Variants in DNAJC16 observed in about 807,000 individuals in gnomAD.
The protein encoded by DNAJC16 is DnaJ heat shock protein family (Hsp40) member C16.
DNAJC16 carries 76 observed loss-of-function variants against 92.7 expected under a neutral mutation model. That is an observed-to-expected ratio of 0.82 (90% CI 0.68 to 0.99). The LOEUF (loss-of-function observed/expected upper bound fraction) is 0.99. Among genes scored for constraint, DNAJC16 ranks in the 50% least tolerant of loss-of-function variants. The pLI, the probability that DNAJC16 is intolerant of heterozygous loss-of-function variation, is 0.00. For missense variants in DNAJC16, 869 were observed against 942.4 expected (o/e 0.92, Z 1.02); for synonymous variants, 328 against 358.7 (o/e 0.91, Z 0.97).
At chr1:15,528,069 C>T (rs1406133878) in intron 1 of DNAJC16, among the ~76,000 whole-genome samples, 1 of 152,170 alleles carries the variant, frequency 6.6e-6, no homozygotes, top group Non-Finnish European at 1.5e-5. Flanking sequence ...TGGTCTTTGC[C>T]GTTAATTCTT....
At chr1:15,548,139 C>T (rs1253353118) in intron 6 of DNAJC16, 131 bp from the exon 7 acceptor site, 15 of 750,382 alleles carry the variant, frequency 2.0e-5, no homozygotes, top group South Asian at 8.3e-5. Flanking sequence ...TACAAGGATA[C>T]GGAAGACCTA....
chr1:15,536,306 C>T (rs1023737551), intron 3 of DNAJC16, among the ~76,000 whole-genome samples, 169 bp from the exon 4 acceptor site: 1 of 152,008 alleles, frequency 6.6e-6, no homozygotes, highest in Non-Finnish European at 1.5e-5. Flanking sequence ...TCTCAAACTC[C>T]CGACCTCAAG....
intron 7 of DNAJC16, among the ~76,000 whole-genome samples, chr1:15,549,746 G>A (rs537213204): frequency 3.3e-4 from 50 of 151,206 alleles, no homozygotes; most frequent in African/African-American, 9.7e-4. Context: ...CCCAGGAGGC[G>A]GAGCTTGCAG....
At chr1:15,540,253 G>A (rs1710901773) in intron 4 of DNAJC16, among the ~76,000 whole-genome samples, 1 of 152,106 alleles carries the variant, frequency 6.6e-6, no homozygotes, top group Non-Finnish European at 1.5e-5. Flanking sequence ...TTGCACCAGG[G>A]AGGCAGAGGT....
At chr1:15,537,627 A>G (rs1331322715) in intron 4 of DNAJC16, among the ~76,000 whole-genome samples, 1 of 152,200 alleles carries the variant, frequency 6.6e-6, no homozygotes, top group African/African-American at 2.4e-5. Context: ...TAGACACTAA[A>G]GGATATATAA....
chr1:15,534,872 C>T (rs947305995), intron 3 of DNAJC16, among the ~76,000 whole-genome samples: 1 of 152,254 alleles, frequency 6.6e-6, no homozygotes. Flanking sequence ...GTCACTATTG[C>T]CTTCTTAGAA....
rs1448582372 is a variant in DNAJC16, at chr1:15,536,750, G to T, written c.510G>T (p.Trp170Cys). Residue 170 changes from tryptophan (W) to cysteine (C), a missense_variant, in exon 4 of 15, where the codon TGG becomes TGT. Trp to Cys is a radical substitution (Grantham distance 215). Coordinates refer to ENST00000375847, the MANE Select transcript of DNAJC16 (RefSeq NM_015291.4). The stretch of plus-strand genomic sequence containing the variant: ...ACCTCATCAAGATCACCTCCGATTG[G>T]TGCTTTAGCTGCATTCATATCGAGC... ...KPYLIKITSD[W>C]CFSCIHIEPV... 1 of 1,614,042 alleles carries T rather than the reference G, an allele frequency of 6.2e-7. No homozygotes were observed.
chr1:15,565,675 C>G lies in DNAJC16; in HGVS notation c.1599-244C>G, dbSNP rs1278968646. On this transcript the variant is annotated intron_variant, in intron 11 of 14. Transcript: ENST00000375847. The stretch of plus-strand genomic sequence containing the variant: ...GTTTCCTCATGCAGAACTTATTGAG[C>G]ATAGCCTATTATACTGAGATACAAA... The G allele has an allele frequency of 1.3e-5, 7 of 519,732 alleles. No individual in the cohort carries two copies. The East Asian group carries it at 2.3e-4, about 17-fold the overall frequency. 32.2% of individuals were successfully genotyped at this position (519,732 alleles called of 1,614,324 possible).
chr1:15,561,656 A>G (rs1164953815), intron 8 of DNAJC16, among the ~76,000 whole-genome samples: 1 of 152,176 alleles, frequency 6.6e-6, no homozygotes, highest in Non-Finnish European at 1.5e-5. Context: ...TACACTCTCC[A>G]GCCTGGGCGA....
chr1:15,550,146 G>C (rs1311066254), intron 7 of DNAJC16, among the ~76,000 whole-genome samples: 2 of 152,196 alleles, frequency 1.3e-5, no homozygotes, highest in African/African-American at 4.8e-5. Context: ...GGGGGTGCCT[G>C]ATGGAGACGA....
At chr1:15,559,812 C>G (rs770189031) in intron 8 of DNAJC16, among the ~76,000 whole-genome samples, 156 bp downstream of exon 8, 2 of 152,094 alleles carry the variant, frequency 1.3e-5, no homozygotes, top group Admixed American at 6.6e-5. Flanking sequence ...GCCTGTAATC[C>G]CAGCACTTTG....
At chr1:15,562,036 A>G in intron 8 of DNAJC16, 106 bp from the exon 9 acceptor site, 1 of 1,176,080 alleles carries the variant, frequency 8.5e-7, no homozygotes, top group Non-Finnish European at 1.2e-6. Flanking sequence ...CAGTGTATTC[A>G]CTTCCATAAG....
intron 8 of DNAJC16, among the ~76,000 whole-genome samples, chr1:15,561,867 G>C (rs988067964): frequency 1.3e-5 from 2 of 151,776 alleles, no homozygotes; most frequent in African/African-American, 4.8e-5. Context: ...TATATATATA[G>C]TTTTCATATA....
At chr1:15,567,711 AT>A (rs1204552943) in intron 14 of DNAJC16, 66 bp from the exon 15 acceptor site, 1 of 1,486,916 alleles carries the variant, frequency 6.7e-7, no homozygotes, top group Non-Finnish European at 9.1e-7. Context: ...TCACTGGGGT[AT>A]TTATTTTCTC....
rs1638317135 is a variant in DNAJC16, at chr1:15,546,765, A to C, written c.760-2A>C. The C allele has an allele frequency of 6.2e-7, 1 of 1,605,712 alleles. No individual in the cohort carries two copies. Among genetic ancestry groups the C allele is most frequent in the Non-Finnish European group, 8.5e-7 (1 of 1,173,452 alleles). On this transcript the variant is annotated splice_acceptor_variant, in intron 5 of 14. Transcript: ENST00000375847. LOFTEE classifies it high-confidence loss of function. ...AGACTAACATTCTATTTTCAATTTA[A>C]GGTTACAAATAAAAATTACGTCAGA...
rs748267426 is a variant in DNAJC16, at chr1:15,562,280, C to T, written c.1293C>T (p.Ala431=). ...ACAGCAATCGGCAGCAGGAGTTTGC[C>T]GACACCTTACTACCAGACAGTGAGG... The part of the protein sequence containing the change: ...HVYSNRQQEF[A]DTLLPDSEAF... The change falls in exon 9 of 15, where the codon GCC becomes GCT. Residue 431 remains alanine (A), a synonymous_variant. Transcript: ENST00000375847. The T allele has an allele frequency of 6.2e-6, 10 of 1,613,818 alleles. No homozygotes were observed. The highest frequency in any genetic ancestry group is 4.4e-5 in the South Asian group (4 of 91,046).
chr1:15,553,495 A>G (rs909628588), intron 7 of DNAJC16, among the ~76,000 whole-genome samples: 10 of 152,156 alleles, frequency 6.6e-5, no homozygotes, highest in African/African-American at 2.4e-4. Context: ...CGGCCTCCCA[A>G]AGTGCTGGGA....
intron 9 of DNAJC16, among the ~76,000 whole-genome samples, chr1:15,563,663 T>TAAAA (rs57751838): frequency 9.4e-5 from 5 of 53,210 alleles, no homozygotes; most frequent in East Asian, 5.9e-4. Context: ...CCATCTCTAC[T>TAAAA]AAAAAAAAAA....
chr1:15,546,917 T>TTTCTTTTC (rs371408325), intron 6 of DNAJC16, 46 bp downstream of exon 6: 68 of 307,196 alleles, frequency 2.2e-4, no homozygotes, highest in African/African-American at 1.8e-3. Context: ...TTTCTTTTCT[T>TTTCTTTTC]TTTTTTTTTT....
Sources: allele counts gnomAD v4.1 joint callset (sites outside exome capture counted in the v4.1 genomes callset), GRCh38; gene constraint gnomAD v4.1.1; transcripts MANE v1.5; gene names NCBI Gene and HGNC (gene_info 2026-07-23, HGNC 2026-07-21).